CUL7: variants seen among roughly 807,000 people sequenced by gnomAD.
CUL7 encodes cullin-7.
CUL7 carries 96 observed loss-of-function variants against 177.7 expected under a neutral mutation model. That is an observed-to-expected ratio of 0.54 (90% CI 0.46 to 0.64). The LOEUF (loss-of-function observed/expected upper bound fraction) is 0.64. Ranked by LOEUF, CUL7 falls within the 30% of genes least tolerant of loss-of-function variation. CUL7 has a pLI of 0.00. For synonymous variants in CUL7, 824 were observed against 890.2 expected, an observed-to-expected ratio of 0.93 and a Z score of 1.32; for missense variants, 1,893 against 2,187.9, an observed-to-expected ratio of 0.87 and a Z score of 2.69.
chr6:43,052,310 G>C lies in CUL7; in HGVS notation c.479C>G (p.Pro160Arg), dbSNP rs1263778672. Residue 160 changes from proline (P) to arginine (R), a missense_variant, in exon 2 of 26, where the codon CCA becomes CGA. Around this residue, in one of 5 missense-constraint regions of CUL7, gnomAD observed 653 missense variants for 725.2 expected, o/e 0.90. Transcript: ENST00000265348. This position sits in a 1 kb window ranked among gnomAD's most constrained non-coding sequence, Gnocchi z 4.5. ...GTGCATGAGCAAGTCCAGGACCCTT[G>C]GGTCCTTGAATACTCCAGTGAGGGG... ...IEPLTGVFKD[P>R]RVLDLLMHML... 6.2e-7 allele frequency: 1 copy of C among 1,614,122 alleles called. No homozygotes were observed. The highest frequency in any genetic ancestry group is 1.3e-5 in the African/African-American group (1 of 74,946).
chr6:43,049,488 G>A lies in CUL7; in HGVS notation c.1744C>T (p.Leu582Phe). ...AGGACATCTTCTTGGGCTTCTAGAAGGGATGGGTAGGCTTGGTTCCCTGCT... is the reference window on the plus strand; with the variant it reads ...AGGACATCTTCTTGGGCTTCTAGAAAGGATGGGTAGGCTTGGTTCCCTGCT... ...ALAGNQAYPS[L>F]LEAQEDVLLL... The change falls in exon 7 of 26, where the codon CTT becomes TTT. Residue 582 changes from leucine to phenylalanine, a missense_variant. Physicochemically the swap from Leu to Phe is conservative, Grantham distance 22. Around this residue, in one of 5 missense-constraint regions of CUL7, gnomAD observed 973 missense variants for 1,140.9 expected, o/e 0.85. Transcript: ENST00000265348. The A allele has an allele frequency of 6.2e-7, 1 of 1,614,226 alleles. No homozygotes were observed. Among genetic ancestry groups the A allele is most frequent in the Non-Finnish European group, 8.5e-7 (1 of 1,180,046 alleles).
chr6:43,046,205 G>C (rs1561884759), intron 12 of CUL7, 31 bp downstream of exon 12: 1 of 1,614,156 alleles, frequency 6.2e-7, no homozygotes, highest in Non-Finnish European at 8.5e-7. Context: ...AAGCACACGT[G>C]TGTGGCAAAG....
chr6:43,053,687 C>T lies in CUL7; in HGVS notation c.-74G>A. 2 of 1,414,858 alleles carry T rather than the reference C, an allele frequency of 1.4e-6. No individual in the cohort carries two copies. The highest frequency in any genetic ancestry group is 2.8e-5 in the East Asian group (1 of 36,308). 87.6% of individuals were successfully genotyped at this position (1,414,858 alleles called of 1,614,324 possible). A position where few individuals can be genotyped will look rare whatever the true frequency, so the allele number is the denominator to read the frequency against. ...CACAGAGCAAGGGACGCGGCACAGA[C>T]GCTGGCGGCGACTTGGGCCCCACCT... On this transcript the variant is annotated 5_prime_UTR_variant, in exon 1 of 26. Coordinates refer to ENST00000265348, the MANE Select transcript of CUL7 (RefSeq NM_014780.5). This position sits in a 1 kb window ranked among gnomAD's most constrained non-coding sequence, Gnocchi z 4.1.
chr6:43,037,963 T>C lies in CUL7; in HGVS notation c.4822A>G (p.Ser1608Gly). The C allele has an allele frequency of 6.3e-7, 1 of 1,596,600 alleles. No individual in the cohort carries two copies. The highest frequency in any genetic ancestry group is 8.6e-7 in the Non-Finnish European group (1 of 1,169,062). Residue 1608 changes from serine to glycine, a missense_variant, in exon 26 of 26, where the codon AGC becomes GGC. By Grantham distance (56) the Ser-to-Gly change is moderately conservative. Coordinates refer to ENST00000265348, the MANE Select transcript of CUL7 (RefSeq NM_014780.5). ...CATGCAGACCCCTTACCAAGGCTGC[T>C]GACCAAACCCCTGGGAGGACACGGG... ...KGPCPPRGLV[S>G]SLGKGSACSS...
In CUL7 at chr6:43,045,731, T is replaced by C. The variant is rs376391019; in HGVS notation, c.2767-49A>G. On this transcript the variant is annotated intron_variant, in intron 13 of 25. Transcript: ENST00000265348. The surrounding 1 kb of genome is among the most constrained non-coding windows in gnomAD (Gnocchi z 4.8). ...TCACCTCCACACATGCAGAGCCAAG[T>C]TGGCTCTAGGCTCCAGTCCCCTCAC... 2.2e-4 allele frequency: 351 copies of C among 1,595,038 alleles called. No individual in the cohort carries two copies. The highest frequency in any genetic ancestry group is 2.9e-4 in the Non-Finnish European group (335 of 1,162,968).
At chr6:43,048,013 AT>A in intron 9 of CUL7, 134 bp downstream of exon 9, 1 of 640,768 alleles carries the variant, frequency 1.6e-6, no homozygotes, top group Non-Finnish European at 2.8e-6. Flanking sequence ...ATAAAATTCA[AT>A]TTTAAAAGCA....
intron 16 of CUL7, among the ~76,000 whole-genome samples, chr6:43,044,257 G>A (rs1763695870): frequency 6.6e-6 from 1 of 152,234 alleles, no homozygotes; most frequent in Admixed American, 6.5e-5. Context: ...TGGAGGCAGA[G>A]GTTGCAGTGA....
In CUL7 at chr6:43,040,481, C is replaced by G; in HGVS notation, c.4023+49G>C. 1 of 1,612,734 alleles carries G rather than the reference C, an allele frequency of 6.2e-7. No individual in the cohort carries two copies. Among genetic ancestry groups the G allele is most frequent in the Non-Finnish European group, 8.5e-7 (1 of 1,179,988 alleles). ...TGGCCTCCTCCAGTCTGCTCCACGCCCCTCTTCCCCCTACCCTCTTATTTG... is the reference window on the plus strand; with the variant it reads ...TGGCCTCCTCCAGTCTGCTCCACGCGCCTCTTCCCCCTACCCTCTTATTTG... On this transcript the variant is annotated intron_variant, in intron 21 of 25. Transcript: ENST00000265348. The surrounding 1 kb of genome is among the most constrained non-coding windows in gnomAD (Gnocchi z 4.2).
chr6:43,041,189 G>A, intron 19 of CUL7, 114 bp from the exon 20 acceptor site: 2 of 982,344 alleles, frequency 2.0e-6, no homozygotes, highest in East Asian at 5.2e-5. Flanking sequence ...TTCTAAGGTG[G>A]TTGGTGCTTT....
rs1342680165 is a variant in CUL7, at chr6:43,040,135, T to C, written c.4294+21A>G. On this transcript the variant is annotated intron_variant, in intron 22 of 25. Transcript: ENST00000265348. The surrounding 1 kb of genome is among the most constrained non-coding windows in gnomAD (Gnocchi z 4.2). ...AGCCCACCCTCTCCCCAGTCCCCAG[T>C]CCCTCTGCCTGGCTGCTCACTCTTG... 6.2e-7 allele frequency: 1 copy of C among 1,613,946 alleles called. No individual in the cohort carries two copies. The highest frequency in any genetic ancestry group is 8.5e-7 in the Non-Finnish European group (1 of 1,179,986).
At chr6:43,042,431 C>T (rs1456663680) in intron 19 of CUL7, among the ~76,000 whole-genome samples, 1 of 152,082 alleles carries the variant, frequency 6.6e-6, no homozygotes, top group African/African-American at 2.4e-5. Flanking sequence ...ACCTCCACTT[C>T]CTGGGTTCAA....
chr6:43,050,477 T>C lies in CUL7; in HGVS notation c.1234-79A>G, dbSNP rs1581956000. The stretch of plus-strand genomic sequence containing the variant: ...GGCTGTGGCCCAGTACTGAGGACTA[T>C]AGCCCTCAGGGTGACCACCTGGCCA... On this transcript the variant is annotated intron_variant, in intron 4 of 25. Transcript: ENST00000265348. This position sits in a 1 kb window ranked among gnomAD's most constrained non-coding sequence, Gnocchi z 4.1. 6.3e-7 allele frequency: 1 copy of C among 1,577,760 alleles called. No individual in the cohort carries two copies. The highest frequency in any genetic ancestry group is 1.1e-5 in the South Asian group (1 of 90,124).
In CUL7 at chr6:43,040,165, A is replaced by G; in HGVS notation, c.4285T>C (p.Tyr1429His). 1 of 1,614,068 alleles carries G rather than the reference A, an allele frequency of 6.2e-7. No homozygotes were observed. The highest frequency in any genetic ancestry group is 8.5e-7 in the Non-Finnish European group (1 of 1,180,024). ...CTGCCTGGCTGCTCACTCTTGTTGT[A>G]GAAGTTGGAGTATCTGTTCAAAGTG... The part of the protein sequence containing the change: ...RGTLNRYSNF[Y>H]NKSQSHPALE... The change falls in exon 22 of 26, where the codon TAC (tyrosine) becomes CAC (histidine). Residue 1429 changes from tyrosine to histidine, a missense_variant. Physicochemically the swap from Tyr to His is moderately conservative, Grantham distance 83. Around this residue, in one of 5 missense-constraint regions of CUL7, gnomAD observed 973 missense variants for 1,140.9 expected, o/e 0.85. Transcript: ENST00000265348. The surrounding 1 kb of genome is among the most constrained non-coding windows in gnomAD (Gnocchi z 4.2).
At position 43,052,802 on chromosome 6, in the gene CUL7, G is replaced by T; in HGVS notation, c.-8-6C>A. On this transcript the variant is annotated splice_polypyrimidine_tract_variant and splice_region_variant and intron_variant, in intron 1 of 25. Transcript: ENST00000265348. The surrounding 1 kb of genome is among the most constrained non-coding windows in gnomAD (Gnocchi z 4.5). Reference sequence around the variant, plus strand: ...TTCTCCCACCATCCTGGCACCTGGAGCACACAAGGAAAAGAGAACAGACAA... The same window carrying T: ...TTCTCCCACCATCCTGGCACCTGGATCACACAAGGAAAAGAGAACAGACAA... 1.2e-6 allele frequency: 2 copies of T among 1,601,252 alleles called. No individual in the cohort carries two copies. Among genetic ancestry groups the T allele is most frequent in the Non-Finnish European group, 8.5e-7 (1 of 1,179,628 alleles).
At position 43,048,536 on chromosome 6, in the gene CUL7, G is replaced by A. The variant is rs147326417; in HGVS notation, c.1859C>T (p.Pro620Leu). 1.8e-4 allele frequency: 296 copies of A among 1,614,140 alleles called. No individual in the cohort carries two copies. The African/African-American group carries it at 3.5e-3, about 19-fold the overall frequency. Reference protein sequence around the residue: ...KEPPSQSPNTPLQRLVEGYGP... With the variant: ...KEPPSQSPNTLLQRLVEGYGP... ...ATAACCCTCCACCAGACGCTGCAGG[G>A]GAGTGTTGGGACTCTGAGATGGGGG... is the stretch of plus-strand genomic sequence containing the variant. Residue 620 changes from proline to leucine, a missense_variant, in exon 8 of 26, where the codon CCC becomes CTC. This residue lies in a region of CUL7 where 973 missense variants were observed against 1,140.9 expected (regional missense o/e 0.85). Transcript: ENST00000265348.
At position 43,053,346 on chromosome 6, in the gene CUL7, C is replaced by T. The variant is rs974751112; in HGVS notation, c.-9+276G>A. Among the ~76,000 whole-genome samples the T allele has an allele frequency of 6.6e-6, 1 of 151,974 alleles. No homozygotes were observed. Among genetic ancestry groups the T allele is most frequent in the African/African-American group, 2.4e-5 (1 of 41,364 alleles). On this transcript the variant is annotated intron_variant, in intron 1 of 25. Transcript: ENST00000265348. This position sits in a 1 kb window ranked among gnomAD's most constrained non-coding sequence, Gnocchi z 4.1. ...GGAGGAGGCACTGGTGGGTTGGAGG[C>T]GCCTCCGACTGGAGCAACTGGAACA...
At position 43,038,458 on chromosome 6, in the gene CUL7, G is replaced by C; in HGVS notation, c.4582C>G (p.Arg1528Gly). Residue 1528 changes from arginine to glycine, a missense_variant, in exon 25 of 26, where the codon CGA becomes GGA. Physicochemically the swap from Arg to Gly is moderately radical, Grantham distance 125. Around this residue, in one of 5 missense-constraint regions of CUL7, gnomAD observed 248 missense variants for 262.5 expected, o/e 0.94. Coordinates refer to ENST00000265348, the MANE Select transcript of CUL7 (RefSeq NM_014780.5). Reference protein sequence around the residue: ...KDIPGGVLKIRDGSKEPRSRW... With the variant: ...KDIPGGVLKIGDGSKEPRSRW... ...GACCTGGGTTCCTTGCTGCCATCTCGAATCTTGAGGACCCCTGAAATAAAT... is the reference window on the plus strand; with the variant it reads ...GACCTGGGTTCCTTGCTGCCATCTCCAATCTTGAGGACCCCTGAAATAAAT... The C allele has an allele frequency of 6.2e-7, 1 of 1,614,124 alleles. No individual in the cohort carries two copies. The highest frequency in any genetic ancestry group is 8.5e-7 in the Non-Finnish European group (1 of 1,180,024).
At chr6:43,048,289 C>A in intron 8 of CUL7, 36 bp from the exon 9 acceptor site, 7 of 1,591,480 alleles carry the variant, frequency 4.4e-6, no homozygotes, top group Non-Finnish European at 6.0e-6. Context: ...GCCTCATGGA[C>A]CCCCTTTGCC....
In CUL7 at chr6:43,053,578, G is replaced by A. The variant is rs1292890121; in HGVS notation, c.-9+44C>T. On this transcript the variant is annotated intron_variant, in intron 1 of 25. Coordinates refer to ENST00000265348, the MANE Select transcript of CUL7 (RefSeq NM_014780.5). The surrounding 1 kb of genome is among the most constrained non-coding windows in gnomAD (Gnocchi z 4.1). Reference sequence around the variant, plus strand: ...GAGCGCGAGGCTCGATGGGCTAGTGGGCAGGGAAGGAGAAGCAAGGGGCCG... The same window carrying A: ...GAGCGCGAGGCTCGATGGGCTAGTGAGCAGGGAAGGAGAAGCAAGGGGCCG... 2 of 1,267,970 alleles carry A rather than the reference G, an allele frequency of 1.6e-6. No individual in the cohort carries two copies. The highest frequency in any genetic ancestry group is 3.0e-5 in the East Asian group (1 of 33,338). The allele number at this position is 1,267,970 out of a possible 1,614,324, so 78.5% of individuals were successfully genotyped here. A position where few individuals can be genotyped will look rare whatever the true frequency, so the allele number is the denominator to read the frequency against.
Sources: allele counts gnomAD v4.1 joint callset (sites outside exome capture counted in the v4.1 genomes callset), GRCh38; gene constraint gnomAD v4.1.1; regional missense constraint gnomAD v4.1.1; non-coding constraint Gnocchi (gnomAD v3.1); transcripts MANE v1.5; gene names NCBI Gene and HGNC (gene_info 2026-07-23, HGNC 2026-07-21).